Variants in PPP6R1 observed in about 807,000 individuals in gnomAD.
PPP6R1 encodes the protein serine/threonine-protein phosphatase 6 regulatory subunit 1.
Under a neutral mutation model 104.6 loss-of-function variants are expected in PPP6R1, and 39 were observed. The observed-to-expected ratio is 0.37, with a 90% CI of 0.29 to 0.49. The LOEUF is 0.49. PPP6R1 is among the 20% of genes least tolerant of loss of function. The pLI is 0.98. For synonymous variants in PPP6R1, 549 were observed against 479.0 expected, an observed-to-expected ratio of 1.15 and a Z score of -1.91; for missense variants, 1,181 against 1,155.8, an observed-to-expected ratio of 1.02 and a Z score of -0.32.
At chr19:55,228,587 C>T, downstream of PPP6R1, 3 of 1,527,066 alleles carry the variant, frequency 2.0e-6, no homozygotes, top group Non-Finnish European at 2.7e-6. Context: ...ACCCAGCTTC[C>T]CAGGGCCCAA....
chr19:55,242,702 G>C (rs959813104), intron 5 of PPP6R1: 1 of 553,730 alleles, frequency 1.8e-6, no homozygotes, highest in Non-Finnish European at 3.3e-6. Flanking sequence ...CCCAGGACAG[G>C]AGGCATCCAC....
intron 22 of PPP6R1, 42 bp downstream of exon 22, chr19:55,230,732 A>ACCCCCCCCC: frequency 7.0e-7 from 1 of 1,420,016 alleles, no homozygotes; most frequent in Non-Finnish European, 9.5e-7. Context: ...CTGCCCCACC[A>ACCCCCCCCC]GCCCCACCCC....
At chr19:55,249,106 T>C (rs953044696) in intron 1 of PPP6R1, among the ~76,000 whole-genome samples, 1 of 152,170 alleles carries the variant, frequency 6.6e-6, no homozygotes, top group African/African-American at 2.4e-5. Context: ...CCAACGACAG[T>C]CATGGCGGCA....
At chr19:55,231,760 C>G (rs758293995) in intron 19 of PPP6R1, 42 bp downstream of exon 19, 1 of 1,491,592 alleles carries the variant, frequency 6.7e-7, no homozygotes, top group South Asian at 1.4e-5. Flanking sequence ...CTCCTGGCCT[C>G]GGGATACCAG....
intron 15 of PPP6R1, 36 bp from the exon 16 acceptor site, chr19:55,237,006 C>G: frequency 1.3e-6 from 2 of 1,568,248 alleles, no homozygotes; most frequent in Middle Eastern, 1.7e-4. Flanking sequence ...AGAAGGTCCA[C>G]CTGGGGGTGG....
chr19:55,228,521 C>T (rs1568940739), downstream of PPP6R1: 2 of 1,566,710 alleles, frequency 1.3e-6, no homozygotes, highest in Non-Finnish European at 1.7e-6. Context: ...CTGTCCCACC[C>T]CCACCTGGGA....
downstream of PPP6R1, chr19:55,228,721 C>G (rs749731094): frequency 6.2e-7 from 1 of 1,613,152 alleles, no homozygotes; most frequent in African/African-American, 1.3e-5. Flanking sequence ...TCAGGGTCTG[C>G]CCCGCTTTGC....
chr19:55,253,489 G>T (rs2087569321), intron 1 of PPP6R1, among the ~76,000 whole-genome samples: 1 of 152,210 alleles, frequency 6.6e-6, no homozygotes, highest in Admixed American at 6.5e-5. Context: ...AACTGGGGCA[G>T]GGGCAGCCAG....
In PPP6R1 at chr19:55,257,820, C is replaced by T. The variant is rs533403002; in HGVS notation, c.-7+615G>A. On this transcript the variant is annotated intron_variant, in intron 1 of 23. Coordinates refer to ENST00000412770, the MANE Select transcript of PPP6R1 (RefSeq NM_014931.4). ...AGGGCTGATGCCCCCTCCTCGGTGC[C>T]CAGCGCCAGGCTCCCTGCCTGCCCT... Among the ~76,000 whole-genome samples, 369 of 152,362 alleles carry T rather than the reference C, an allele frequency of 2.4e-3. 1 individual carries two copies. Among genetic ancestry groups the T allele is most frequent in the Non-Finnish European group, 3.0e-3 (207 of 68,030 alleles).
At chr19:55,257,951 A>T (rs1026083128) in intron 1 of PPP6R1, among the ~76,000 whole-genome samples, 1 of 152,210 alleles carries the variant, frequency 6.6e-6, no homozygotes, top group African/African-American at 2.4e-5. Context: ...AGGGTCGGTC[A>T]AGGTGAAAAC....
At chr19:55,243,126 G>A (rs895755424) in intron 5 of PPP6R1, among the ~76,000 whole-genome samples, 25 of 152,238 alleles carry the variant, frequency 1.6e-4, no homozygotes, top group Admixed American at 6.5e-4. Context: ...CTGAAAGGCC[G>A]AGGTGGGGCC....
intron 1 of PPP6R1, among the ~76,000 whole-genome samples, chr19:55,257,383 C>T (rs1376883732): frequency 1.3e-5 from 2 of 152,236 alleles, no homozygotes; most frequent in Non-Finnish European, 2.9e-5. Context: ...AACATCTTGC[C>T]TTTCAGGCGG....
chr19:55,233,559 C>T (rs543415416), intron 17 of PPP6R1, among the ~76,000 whole-genome samples: 1 of 152,302 alleles, frequency 6.6e-6, no homozygotes, highest in South Asian at 2.1e-4. Context: ...AAGGAGTCCA[C>T]TAAAACTATC....
At chr19:55,250,558 G>T (rs2087545199) in intron 1 of PPP6R1, among the ~76,000 whole-genome samples, 1 of 152,170 alleles carries the variant, frequency 6.6e-6, no homozygotes, top group Non-Finnish European at 1.5e-5. Context: ...GACCTGTCTG[G>T]ATGGTAAACT....
In PPP6R1 at chr19:55,231,425, G is replaced by C. The variant is rs1169781510; in HGVS notation, c.2444C>G (p.Pro815Arg). Residue 815 changes from proline (P) to arginine (R), a missense_variant, in exon 21 of 24, where the codon CCC (proline) becomes CGC (arginine). Pro to Arg is a moderately radical substitution (Grantham distance 103, BLOSUM62 -2). Coordinates refer to ENST00000412770, the MANE Select transcript of PPP6R1 (RefSeq NM_014931.4). ...CGCTGCTCACCTGTCCGAGGAGCTGGGGGCAGAACGGATCCCGTGGAAGGT... is the reference window on the plus strand; with the variant it reads ...CGCTGCTCACCTGTCCGAGGAGCTGCGGGCAGAACGGATCCCGTGGAAGGT... ...QATFHGIRSA[P>R]SSSDSATRDP... 2.0e-5 allele frequency: 32 copies of C among 1,603,412 alleles called. No homozygotes were observed. The highest frequency in any genetic ancestry group is 2.6e-5 in the Non-Finnish European group (30 of 1,175,672).
intron 17 of PPP6R1, among the ~76,000 whole-genome samples, chr19:55,233,373 T>G (rs1282934361): frequency 1.3e-5 from 2 of 152,206 alleles, no homozygotes; most frequent in African/African-American, 4.8e-5. Flanking sequence ...CGCTGAATGC[T>G]TCCCCCTAAG....
In PPP6R1 at chr19:55,230,670, G is replaced by A. The variant is rs1283968812; in HGVS notation, c.2585C>T (p.Thr862Met). ...LPQSQSAQAL[T>M]PPPIPNGSAP... ...AGAGCCATTGGGTATCGGAGGAGGC[G>A]TGAGGGCCTGGGCACTGTCAGGGGA... The change falls in exon 23 of 24, where the codon ACG (threonine) becomes ATG (methionine). Residue 862 changes from threonine to methionine, a missense_variant. Thr to Met is a moderately conservative substitution (Grantham distance 81). This residue lies in a region of PPP6R1 where 1,042 missense variants were observed against 955.6 expected (regional missense o/e 1.09). Transcript: ENST00000412770. The A allele has an allele frequency of 9.4e-6, 15 of 1,601,298 alleles. No homozygotes were observed. Among genetic ancestry groups the A allele is most frequent in the Middle Eastern group, 3.6e-4 (2 of 5,538 alleles).
rs115948857 is a variant in PPP6R1, at chr19:55,241,996, A to T, written c.845+170T>A. Among the ~76,000 whole-genome samples, 966 of 152,208 alleles carry T rather than the reference A, an allele frequency of 6.3e-3. 5 individuals are homozygous for T. The highest frequency in any genetic ancestry group is 0.022 in the African/African-American group (933 of 41,544). On this transcript the variant is annotated intron_variant, in intron 7 of 23. Coordinates refer to ENST00000412770, the MANE Select transcript of PPP6R1 (RefSeq NM_014931.4). This position sits in a 1 kb window ranked among gnomAD's most constrained non-coding sequence, Gnocchi z 5.4. ...CCCTCACTTGTCAAAGCAGACAAGAAGATTCCTCCCTCGGCCCCGTACTGT... is the reference window on the plus strand; with the variant it reads ...CCCTCACTTGTCAAAGCAGACAAGATGATTCCTCCCTCGGCCCCGTACTGT...
chr19:55,231,023 G>A (rs552596960), intron 21 of PPP6R1, 139 bp from the exon 22 acceptor site: 27 of 732,398 alleles, frequency 3.7e-5, no homozygotes, highest in African/African-American at 5.2e-5. Flanking sequence ...TCCCGAGGAC[G>A]CAGCTGGCTC....
Sources: gnomAD v4.1 joint callset for allele counts (sites outside exome capture counted in the v4.1 genomes callset) on GRCh38, gnomAD v4.1.1 for gene constraint, gnomAD v4.1.1 regional missense constraint, Gnocchi (gnomAD v3.1) non-coding constraint, MANE v1.5 for transcripts, NCBI Gene and HGNC (gene_info 2026-07-23, HGNC 2026-07-21) for gene names.